The following PIGU variants were observed in gnomAD, a reference collection of about 807,000 sequenced individuals.
PIGU encodes GPI-anchor transamidase component PIGU.
Under a neutral mutation model 49.9 loss-of-function variants are expected in PIGU, and 24 were observed. The ratio of observed to expected loss-of-function variants is 0.48; its 90% CI spans 0.35 to 0.68. PIGU has a LOEUF of 0.68. Among genes scored for constraint, PIGU ranks in the 30% least tolerant of loss-of-function variants. The pLI is 0.01. For missense variants in PIGU, 490 were observed against 532.6 expected, an observed-to-expected ratio of 0.92 and a Z score of 0.79; for synonymous variants, 220 against 205.7, an observed-to-expected ratio of 1.07 and a Z score of -0.59.
At chr20:34,664,950 A>G (rs190538963) in intron 1 of PIGU, among the ~76,000 whole-genome samples, 1 of 152,098 alleles carries the variant, frequency 6.6e-6, no homozygotes, top group African/African-American at 2.4e-5. Context: ...ACTGCACTCC[A>G]GCCTGGGCGA....
intron 8 of PIGU, among the ~76,000 whole-genome samples, chr20:34,586,078 T>C (rs1448438522): frequency 1.3e-5 from 2 of 152,112 alleles, no homozygotes; most frequent in African/African-American, 2.4e-5. Context: ...TTAGGAACAA[T>C]CGGTGGGTTC....
At chr20:34,671,873 A>G (rs566700738) in intron 1 of PIGU, among the ~76,000 whole-genome samples, 2 of 152,088 alleles carry the variant, frequency 1.3e-5, no homozygotes, top group African/African-American at 2.4e-5. Flanking sequence ...CAGTGAGCTG[A>G]GATTGTGCCA....
chr20:34,585,756 A>G (rs1470804105), intron 8 of PIGU, among the ~76,000 whole-genome samples, 176 bp from the exon 9 acceptor site: 1 of 152,220 alleles, frequency 6.6e-6, no homozygotes, highest in East Asian at 1.9e-4. Context: ...TAATTAACAA[A>G]AATGAGCAGA....
At chr20:34,644,005 G>A in intron 4 of PIGU, 159 bp downstream of exon 4, 2 of 573,350 alleles carry the variant, frequency 3.5e-6, no homozygotes, top group Non-Finnish European at 3.2e-6. Context: ...TGTGGGTTTG[G>A]GGTTGATCAT....
Position 34,581,647 on chromosome 20 carries a change from T to G in PIGU, c.952A>C (p.Ile318Leu). The change falls in exon 10 of 12, where the codon ATC becomes CTC. Residue 318 changes from isoleucine to leucine, a missense_variant. Coordinates refer to ENST00000217446, the MANE Select transcript of PIGU (RefSeq NM_080476.5). ...AAGATGGCGATGACAGCGATCTGGA[T>G]AAACATGAAGAAGATGGGGTGCTCC... Reference protein sequence around the residue: ...LKEHPIFFMFIQIAVIAIFKS... With the variant: ...LKEHPIFFMFLQIAVIAIFKS... The G allele has an allele frequency of 6.2e-7, 1 of 1,613,788 alleles. No individual in the cohort carries two copies.
At position 34,677,034 on chromosome 20, in the gene PIGU, C is replaced by A. The variant is rs1177178403; in HGVS notation, c.52G>T (p.Ala18Ser). ...TCGGCCAGACTGGAGCGGAACAAGG[C>A]CGCCCGCACTGTCACAGCCACCACC... ...VLVVAVTVRA[A>S]LFRSSLAEFI... Residue 18 changes from alanine (A) to serine (S), a missense_variant, in exon 1 of 12, where the codon GCC (alanine) becomes TCC (serine). Ala to Ser is a moderately conservative substitution (Grantham distance 99, BLOSUM62 1). Transcript: ENST00000217446. 6.3e-7 allele frequency: 1 copy of A among 1,579,932 alleles called. No homozygotes were observed. The highest frequency in any genetic ancestry group is 1.2e-5 in the South Asian group (1 of 86,462).
intron 7 of PIGU, among the ~76,000 whole-genome samples, chr20:34,590,751 G>A (rs779235970): frequency 3.9e-5 from 6 of 151,974 alleles, no homozygotes; most frequent in Non-Finnish European, 7.4e-5. Flanking sequence ...GGCCGGGCGC[G>A]GTAGCTCATG....
Position 34,560,970 on chromosome 20 carries a change from T to C in PIGU, c.1204A>G (p.Ile402Val), listed in dbSNP as rs768494355. The C allele has an allele frequency of 6.2e-7, 1 of 1,606,392 alleles. No homozygotes were observed. Reference sequence around the variant, plus strand: ...AGGAAGGCATAGAAGTAATCAGAGATGAGCAGGATCTGGGGGGAGAGAGAG... The same window carrying C: ...AGGAAGGCATAGAAGTAATCAGAGACGAGCAGGATCTGGGGGGAGAGAGAG... The part of the protein sequence containing the change: ...LTFNVGQILL[I>V]SDYFYAFLRR... The change falls in exon 12 of 12, where the codon ATC (isoleucine) becomes GTC (valine). Residue 402 changes from isoleucine to valine, a missense_variant. Physicochemically the swap from Ile to Val is conservative, Grantham distance 29. Transcript: ENST00000217446.
chr20:34,570,172 T>C (rs1325707378), intron 11 of PIGU, among the ~76,000 whole-genome samples: 1 of 152,148 alleles, frequency 6.6e-6, no homozygotes, highest in Non-Finnish European at 1.5e-5. Context: ...CTCTCACATA[T>C]GAGCAAGGAA....
intron 2 of PIGU, among the ~76,000 whole-genome samples, chr20:34,646,565 C>T (rs192680075): frequency 1.3e-5 from 2 of 151,808 alleles, no homozygotes; most frequent in Non-Finnish European, 2.9e-5. Context: ...CCTGCCACCA[C>T]GCCCAGCTAA....
chr20:34,651,800 T>C (rs1278823985), intron 2 of PIGU, among the ~76,000 whole-genome samples: 1 of 152,076 alleles, frequency 6.6e-6, no homozygotes, highest in African/African-American at 2.4e-5. Flanking sequence ...TGGAGTCAGA[T>C]TCGCATTTAA....
chr20:34,643,123 T>C (rs916682418), intron 4 of PIGU, among the ~76,000 whole-genome samples: 5 of 152,094 alleles, frequency 3.3e-5, no homozygotes, highest in African/African-American at 9.7e-5. Flanking sequence ...TAGTTTAAGA[T>C]ATATACTCCC....
At chr20:34,562,256 C>T (rs1159659724) in intron 11 of PIGU, among the ~76,000 whole-genome samples, 1 of 152,210 alleles carries the variant, frequency 6.6e-6, no homozygotes, top group Non-Finnish European at 1.5e-5. Context: ...GACAGGGGCT[C>T]ACACTACAGA....
intron 11 of PIGU, among the ~76,000 whole-genome samples, chr20:34,574,636 C>T (rs1427338807): frequency 6.6e-6 from 1 of 152,122 alleles, no homozygotes; most frequent in Non-Finnish European, 1.5e-5. Context: ...CCTGCTGTCC[C>T]GAGAGTCCGC....
intron 6 of PIGU, among the ~76,000 whole-genome samples, chr20:34,618,079 C>T (rs1284443047): frequency 1.3e-5 from 2 of 152,040 alleles, no homozygotes; most frequent in East Asian, 1.9e-4. Flanking sequence ...GTAAATTGCC[C>T]AGTCTCGGAC....
intron 5 of PIGU, 67 bp downstream of exon 5, chr20:34,637,808 TG>T: frequency 6.3e-7 from 1 of 1,587,242 alleles, no homozygotes; most frequent in Non-Finnish European, 8.5e-7. Flanking sequence ...ACAAACAACA[TG>T]GGAAAGTCTC....
chr20:34,579,545 A>G (rs6059928), intron 10 of PIGU, among the ~76,000 whole-genome samples: 124,207 of 152,162 alleles, frequency 0.82, 51,157 homozygotes, highest in Admixed American at 0.91. Flanking sequence ...CCTAAGGACC[A>G]GGGCTGATGC....
chr20:34,668,931 A>C, intron 1 of PIGU, among the ~76,000 whole-genome samples: 1 of 123,168 alleles, frequency 8.1e-6, no homozygotes, highest in Non-Finnish European at 1.6e-5. Context: ...GCCAGGCTAC[A>C]TACAGTGCAG....
At chr20:34,582,251 T>C (rs900675067) in intron 9 of PIGU, among the ~76,000 whole-genome samples, 1 of 152,226 alleles carries the variant, frequency 6.6e-6, no homozygotes, top group Non-Finnish European at 1.5e-5. Context: ...CTTAAACTAA[T>C]AGCAGTTTCA....
Sources: allele counts gnomAD v4.1 joint callset (sites outside exome capture counted in the v4.1 genomes callset), GRCh38; gene constraint gnomAD v4.1.1; transcripts MANE v1.5; gene names NCBI Gene and HGNC (gene_info 2026-07-23, HGNC 2026-07-21).